Variants in SIK3 observed in about 807,000 individuals in gnomAD.
SIK3 encodes SIK family kinase 3.
Under a neutral mutation model 144.2 loss-of-function variants are expected in SIK3, and 28 were observed. The observed-to-expected ratio is 0.19, with a 90% CI of 0.14 to 0.27. SIK3 has a LOEUF of 0.27. Among genes scored for constraint, SIK3 ranks in the 10% least tolerant of loss-of-function variants. The probability of loss-of-function intolerance (pLI) is 1.00; values close to 1 mark genes in which losing one functional copy is unlikely to be tolerated. For missense variants in SIK3, 1,319 were observed against 1,776.0 expected, an observed-to-expected ratio of 0.74 and a Z score of 4.62; for synonymous variants, 686 against 676.3, an observed-to-expected ratio of 1.01 and a Z score of -0.22.
At chr11:117,053,739 T>C (rs1953376733) in intron 1 of SIK3, among the ~76,000 whole-genome samples, 1 of 144,904 alleles carries the variant, frequency 6.9e-6, no homozygotes. Flanking sequence ...CTCAAACTCC[T>C]GGGCTCAAGT....
chr11:116,850,685 T>G (rs1942358165), intron 21 of SIK3, among the ~76,000 whole-genome samples: 1 of 152,222 alleles, frequency 6.6e-6, no homozygotes. Context: ...TCTAGAACAT[T>G]GTCCTATACC....
intron 1 of SIK3, among the ~76,000 whole-genome samples, chr11:117,042,253 C>T (rs1265288582): frequency 6.6e-6 from 1 of 152,200 alleles, no homozygotes; most frequent in Non-Finnish European, 1.5e-5. Context: ...CTTCTAATCT[C>T]TGGAAGTTAA....
chr11:116,876,275 A>T lies in SIK3; in HGVS notation c.1073T>A (p.Leu358Gln). 1 of 1,614,184 alleles carries T rather than the reference A, an allele frequency of 6.2e-7. No homozygotes were observed. Among genetic ancestry groups the T allele is most frequent in the Non-Finnish European group, 8.5e-7 (1 of 1,179,996 alleles). ...DVLLAMEDMG[L>Q]DKEQTLQSLR... ...TACCTGCAGTGTCTGTTCTTTGTCC[A>T]GTCCCATGTCCTCCATGGCCAAGAG... The change falls in exon 8 of 25, where the codon CTG (leucine) becomes CAG (glutamine). Residue 358 changes from leucine (L) to glutamine (Q), a missense_variant. Around this residue, in one of 8 missense-constraint regions of SIK3, gnomAD observed 109 missense variants for 109.3 expected, o/e 1.00. Transcript: ENST00000445177.
At chr11:117,023,867 C>G (rs529484622) in intron 1 of SIK3, among the ~76,000 whole-genome samples, 8 of 151,826 alleles carry the variant, frequency 5.3e-5, no homozygotes, top group East Asian at 1.9e-4. Context: ...TTAGTAGAGA[C>G]GGGGTCTTGC....
chr11:116,937,527 A>G (rs554843089), intron 3 of SIK3, among the ~76,000 whole-genome samples: 69 of 152,334 alleles, frequency 4.5e-4, no homozygotes, highest in African/African-American at 1.5e-3. Context: ...GCCCAAATAG[A>G]CTAAGACAAT....
intron 1 of SIK3, among the ~76,000 whole-genome samples, chr11:117,026,726 A>G (rs1952024956): frequency 6.6e-6 from 1 of 152,232 alleles, no homozygotes; most frequent in Admixed American, 6.5e-5. Flanking sequence ...CACAAGCCTT[A>G]CGTGGACAAT....
intron 21 of SIK3, among the ~76,000 whole-genome samples, chr11:116,850,134 T>A (rs1942313524): frequency 1.3e-5 from 2 of 152,206 alleles, no homozygotes; most frequent in African/African-American, 2.4e-5. Flanking sequence ...GTCACTTCAG[T>A]CCCTTTGTTG....
At chr11:116,946,404 G>C (rs531150960) in intron 3 of SIK3, among the ~76,000 whole-genome samples, 1 of 152,200 alleles carries the variant, frequency 6.6e-6, no homozygotes, top group Admixed American at 6.5e-5. Flanking sequence ...CAACATATTT[G>C]CTTCAGTTCC....
At chr11:116,851,957 T>A (rs1942488004) in intron 21 of SIK3, among the ~76,000 whole-genome samples, 2 of 152,248 alleles carry the variant, frequency 1.3e-5, no homozygotes, top group Admixed American at 1.3e-4. Context: ...ACTAACATCA[T>A]CCACTCAATT....
At chr11:117,011,326 AAAAG>A (rs1234793368) in intron 1 of SIK3, among the ~76,000 whole-genome samples, 4 of 152,154 alleles carry the variant, frequency 2.6e-5, no homozygotes, top group African/African-American at 9.7e-5. Flanking sequence ...AGGGGTAATA[AAAAG>A]AAAGGCAGAA....
chr11:116,969,769 A>G (rs1949703712), intron 1 of SIK3, among the ~76,000 whole-genome samples: 1 of 152,218 alleles, frequency 6.6e-6, no homozygotes, highest in South Asian at 2.1e-4. Flanking sequence ...GACAGAAAAA[A>G]GAGTATCCAT....
Position 117,090,358 on chromosome 11 carries a change from A to T in SIK3, c.273+7785T>A, listed in dbSNP as rs190837607. The stretch of plus-strand genomic sequence containing the variant: ...AGAAACTAGAACTATATTAAGAAGA[A>T]TTCCTTCTTGTGTTTACTTAGGATA... On this transcript the variant is annotated intron_variant, in intron 1 of 24. Coordinates refer to ENST00000445177, the MANE Select transcript of SIK3 (RefSeq NM_001366686.3). Among the ~76,000 whole-genome samples, 3 of 151,980 alleles carry T rather than the reference A, an allele frequency of 2.0e-5. No homozygotes were observed. The East Asian group carries it at 5.8e-4, about 29-fold the overall frequency.
At chr11:117,034,590 G>A (rs1018998181) in intron 1 of SIK3, among the ~76,000 whole-genome samples, 1 of 152,154 alleles carries the variant, frequency 6.6e-6, no homozygotes, top group East Asian at 1.9e-4. Context: ...CAGAAAAAGT[G>A]GGTCTTATAA....
At chr11:116,983,305 AT>A (rs1018803444) in intron 1 of SIK3, among the ~76,000 whole-genome samples, 1 of 150,948 alleles carries the variant, frequency 6.6e-6, no homozygotes, top group African/African-American at 2.4e-5. Flanking sequence ...GCTGAGGTGG[AT>A]GGATCACTTG....
At chr11:117,013,228 C>T (rs1019984814) in intron 1 of SIK3, among the ~76,000 whole-genome samples, 6 of 152,132 alleles carry the variant, frequency 3.9e-5, no homozygotes, top group Non-Finnish European at 5.9e-5. Flanking sequence ...CAGTGGCTCA[C>T]GCCTGTAATC....
intron 1 of SIK3, among the ~76,000 whole-genome samples, chr11:117,021,343 A>C (rs1951753682): frequency 6.6e-6 from 1 of 152,180 alleles, no homozygotes; most frequent in South Asian, 2.1e-4. Flanking sequence ...TGCTTATCAA[A>C]GGTCAGCCAC....
rs1405908595 is a variant in SIK3 at position 117,098,172 on chromosome 11, G to T, written c.244C>A (p.Arg82=). 5.9e-6 allele frequency: 9 copies of T among 1,518,034 alleles called. No homozygotes were observed. Among genetic ancestry groups the T allele is most frequent in the Non-Finnish European group, 7.1e-6 (8 of 1,132,268 alleles). The allele number at this position is 1,518,034 out of a possible 1,614,324, so 94.0% of individuals were successfully genotyped here. ...IGKGNFAVVK[R]ATHLVTKAKV... Reference sequence around the variant, plus strand: ...GCCTTGGTGACGAGGTGCGTGGCCCGCTTGACCACCGCGAAGTTGCCCTTG... The same window carrying T: ...GCCTTGGTGACGAGGTGCGTGGCCCTCTTGACCACCGCGAAGTTGCCCTTG... The change falls in exon 1 of 25, where the codon CGG becomes AGG. Residue 82 remains arginine, a synonymous_variant. Coordinates refer to ENST00000445177, the MANE Select transcript of SIK3 (RefSeq NM_001366686.3).
chr11:117,006,043 T>C (rs1951035287), intron 1 of SIK3, among the ~76,000 whole-genome samples: 1 of 152,290 alleles, frequency 6.6e-6, no homozygotes, highest in East Asian at 1.9e-4. Flanking sequence ...CAAATAGTGT[T>C]CCTTGCTCAA....
rs949085228 is a variant in SIK3, at chr11:116,844,295, C to T, written c.*1348G>A. 1 of 152,130 alleles carries T rather than the reference C, an allele frequency of 6.6e-6. No homozygotes were observed. The highest frequency in any genetic ancestry group is 2.4e-5 in the African/African-American group (1 of 41,436). The allele number at this position is 152,130 out of a possible 1,614,324, so 9.4% of individuals were successfully genotyped here. ...CACAAGTAAGAGCTGTTCACAATTA[C>T]AATGCCTAAAGGAAATACTTTGAAC... is the stretch of plus-strand genomic sequence containing the variant. On this transcript the variant is annotated 3_prime_UTR_variant, in exon 25 of 25. Coordinates refer to ENST00000445177, the MANE Select transcript of SIK3 (RefSeq NM_001366686.3).
Sources: allele counts gnomAD v4.1 joint callset (sites outside exome capture counted in the v4.1 genomes callset), GRCh38; gene constraint gnomAD v4.1.1; regional missense constraint gnomAD v4.1.1; transcripts MANE v1.5; gene names NCBI Gene and HGNC (gene_info 2026-07-23, HGNC 2026-07-21).